ERC2: variants seen among roughly 807,000 people sequenced by gnomAD.
The protein encoded by ERC2 is ERC protein 2.
ERC2 carries 42 observed loss-of-function variants against 114.8 expected under a neutral mutation model. The ratio of observed to expected loss-of-function variants is 0.37; its 90% CI spans 0.29 to 0.47. The LOEUF (loss-of-function observed/expected upper bound fraction) is 0.47, where lower values mean the gene tolerates loss of function less well. Among genes scored for constraint, ERC2 ranks in the 20% least tolerant of loss-of-function variants. The pLI is 0.99. For synonymous variants in ERC2, 454 were observed against 425.5 expected (o/e 1.07, Z -0.82); for missense variants, 939 against 1,150.7 (o/e 0.82, Z 2.66).
intron 14 of ERC2, among the ~76,000 whole-genome samples, chr3:55,805,773 C>G (rs1575657115): frequency 6.6e-6 from 1 of 152,192 alleles, no homozygotes; most frequent in East Asian, 1.9e-4. Context: ...ACCCAGAAAC[C>G]CAGCTCACAA....
chr3:56,427,153 T>A (rs555550928), intron 2 of ERC2, among the ~76,000 whole-genome samples: 2 of 149,780 alleles, frequency 1.3e-5, no homozygotes, highest in Non-Finnish European at 3.0e-5. Flanking sequence ...CACAGTGAGA[T>A]CCTGTCTCAG....
At chr3:56,286,311 A>G (rs4974191) in intron 3 of ERC2, among the ~76,000 whole-genome samples, 142,666 of 151,282 alleles carry the variant, frequency 0.94, 67,475 homozygotes, top group East Asian at 1. Flanking sequence ...CTACTTGGGA[A>G]GCTGAGGCAG....
chr3:55,925,762 G>A (rs369693727), intron 13 of ERC2, among the ~76,000 whole-genome samples: 3 of 152,138 alleles, frequency 2.0e-5, no homozygotes, highest in Non-Finnish European at 2.9e-5. Flanking sequence ...AATTACAGAC[G>A]CATAAATAAA....
intron 14 of ERC2, among the ~76,000 whole-genome samples, chr3:55,807,354 G>A (rs1388578889): frequency 1.3e-5 from 2 of 152,152 alleles, no homozygotes; most frequent in African/African-American, 4.8e-5. Flanking sequence ...GGGATTTTAA[G>A]TCATTGATTT....
rs966366868 is a variant in ERC2 at position 56,252,994 on chromosome 3, T to C, written c.1074+43025A>G. The stretch of plus-strand genomic sequence containing the variant: ...ATGGAGACGTCAGCTATGTAGCAAC[T>C]TTCAGAGTACTTTGTTCAGGTGGTC... On this transcript the variant is annotated intron_variant, in intron 3 of 17. Transcript: ENST00000288221. Among the ~76,000 whole-genome samples, 8 of 152,310 alleles carry C rather than the reference T, an allele frequency of 5.3e-5. No homozygotes were observed. In the East Asian group the frequency reaches 1.5e-3, roughly 29 times the overall value.
intron 2 of ERC2, among the ~76,000 whole-genome samples, chr3:56,352,512 G>A (rs776563515): frequency 5.9e-5 from 9 of 152,198 alleles, no homozygotes; most frequent in Non-Finnish European, 1.2e-4. Flanking sequence ...TGAATTTAAA[G>A]TGTCTTTGTC....
intron 4 of ERC2, among the ~76,000 whole-genome samples, chr3:56,155,923 G>A (rs2081692118): frequency 6.6e-6 from 1 of 152,160 alleles, no homozygotes; most frequent in African/African-American, 2.4e-5. Flanking sequence ...CTGCTGAGGA[G>A]TTGGAAATGA....
chr3:55,515,172 A>G (rs2052400594), intron 17 of ERC2, among the ~76,000 whole-genome samples: 1 of 152,166 alleles, frequency 6.6e-6, no homozygotes. Context: ...GTCAATCTTT[A>G]TTTTCTTTTG....
At chr3:55,610,060 C>CAA (rs1172154104) in intron 17 of ERC2, among the ~76,000 whole-genome samples, 1,638 of 49,884 alleles carry the variant, frequency 0.033, 39 homozygotes, top group Non-Finnish European at 0.041. Context: ...CAAACAAACA[C>CAA]AAACAAAAAA....
chr3:56,059,441 T>C (rs1174899513), intron 7 of ERC2, among the ~76,000 whole-genome samples: 1 of 152,182 alleles, frequency 6.6e-6, no homozygotes, highest in African/African-American at 2.4e-5. Context: ...ACTACTTCAG[T>C]TCATAACCTA....
intron 2 of ERC2, among the ~76,000 whole-genome samples, chr3:56,358,821 C>T (rs868136410): frequency 3.9e-5 from 6 of 152,178 alleles, no homozygotes; most frequent in African/African-American, 7.2e-5. Context: ...CCATGTAAGA[C>T]GTTTAATATA....
At chr3:56,035,134 T>A (rs2074707924) in intron 7 of ERC2, among the ~76,000 whole-genome samples, 2 of 151,956 alleles carry the variant, frequency 1.3e-5, no homozygotes, top group South Asian at 2.1e-4. Flanking sequence ...ATGAAAGATG[T>A]GACATGACAA....
intron 14 of ERC2, among the ~76,000 whole-genome samples, chr3:55,818,650 T>C (rs1458992127): frequency 2.6e-5 from 4 of 152,220 alleles, no homozygotes; most frequent in Non-Finnish European, 5.9e-5. Context: ...TTCTGCAAGA[T>C]GGAGGCATTG....
intron 4 of ERC2, among the ~76,000 whole-genome samples, chr3:56,151,303 G>A (rs1222983713): frequency 1.3e-5 from 2 of 152,110 alleles, no homozygotes; most frequent in African/African-American, 4.8e-5. Context: ...CTGACCTCAA[G>A]TGATCCACCC....
Position 56,294,701 on chromosome 3 carries a change from G to A in ERC2, c.1074+1318C>T, listed in dbSNP as rs150188971. Among the ~76,000 whole-genome samples the A allele has an allele frequency of 2.7e-3, 409 of 152,330 alleles. 4 individuals are homozygous for A. The highest frequency in any genetic ancestry group is 9.2e-3 in the African/African-American group (382 of 41,576). ...ATTCTATCATTTAGGAGCAAGTTAT[G>A]AGGATCAACCAATACTCGAAGAGGA... On this transcript the variant is annotated intron_variant, in intron 3 of 17. Transcript: ENST00000288221.
intron 17 of ERC2, among the ~76,000 whole-genome samples, chr3:55,652,880 A>T (rs1398925668): frequency 3.3e-5 from 5 of 151,824 alleles, no homozygotes; most frequent in Admixed American, 1.3e-4. Flanking sequence ...AAAAAAAAAA[A>T]AAACCAATAC....
At chr3:55,939,071 A>T (rs1219944341) in intron 13 of ERC2, among the ~76,000 whole-genome samples, 1 of 152,176 alleles carries the variant, frequency 6.6e-6, no homozygotes, top group Non-Finnish European at 1.5e-5. Context: ...TTTCATAAAC[A>T]TTTTTCAATT....
At chr3:55,608,073 G>C (rs2058722539) in intron 17 of ERC2, among the ~76,000 whole-genome samples, 1 of 152,162 alleles carries the variant, frequency 6.6e-6, no homozygotes, top group Admixed American at 6.5e-5. Flanking sequence ...AGCTACCTTT[G>C]CATTACGAAA....
At chr3:56,359,296 T>A (rs2058858146) in intron 2 of ERC2, among the ~76,000 whole-genome samples, 1 of 152,194 alleles carries the variant, frequency 6.6e-6, no homozygotes, top group Non-Finnish European at 1.5e-5. Flanking sequence ...TGAATATGAT[T>A]ACCCATGCCA....
Sources: allele counts gnomAD v4.1 joint callset (sites outside exome capture counted in the v4.1 genomes callset), GRCh38; gene constraint gnomAD v4.1.1; transcripts MANE v1.5; gene names NCBI Gene and HGNC (gene_info 2026-07-23, HGNC 2026-07-21).